The following NUBPL variants were observed in gnomAD, a reference collection of about 807,000 sequenced individuals.
NUBPL encodes NUBP iron-sulfur cluster assembly factor, mitochondrial.
NUBPL carries 31 observed loss-of-function variants against 45.7 expected under a neutral mutation model. The observed-to-expected ratio is 0.68, with a 90% CI of 0.51 to 0.92. The LOEUF (loss-of-function observed/expected upper bound fraction) is 0.92, where lower values mean the gene tolerates loss of function less well. Among genes scored for constraint, NUBPL ranks in the 40% least tolerant of loss-of-function variants. NUBPL has a pLI of 0.00. For missense variants in NUBPL, 401 were observed against 398.7 expected (o/e 1.01, Z -0.05); for synonymous variants, 144 against 140.9 (o/e 1.02, Z -0.15).
intron 6 of NUBPL, among the ~76,000 whole-genome samples, chr14:31,777,647 G>A (rs76501638): frequency 0.023 from 3,473 of 152,312 alleles, 61 homozygotes; most frequent in Non-Finnish European, 0.035. Context: ...AAAACGTCTG[G>A]ACATTGGAAA....
At chr14:31,739,478 A>G (rs912426613) in intron 6 of NUBPL, among the ~76,000 whole-genome samples, 9 of 152,000 alleles carry the variant, frequency 5.9e-5, no homozygotes, top group Admixed American at 3.3e-4. Context: ...GCATATAGAA[A>G]TACTTCTAAA....
At chr14:31,745,652 G>C (rs532706147) in intron 6 of NUBPL, among the ~76,000 whole-genome samples, 6 of 152,032 alleles carry the variant, frequency 3.9e-5, no homozygotes, top group African/African-American at 1.5e-4. Flanking sequence ...TTACTTTACT[G>C]AGTTTGTTTA....
At chr14:31,677,356 G>A (rs1028790013) in intron 6 of NUBPL, among the ~76,000 whole-genome samples, 1 of 151,692 alleles carries the variant, frequency 6.6e-6, no homozygotes, top group African/African-American at 2.4e-5. Context: ...CACATCCTCA[G>A]GTAACCATCT....
intron 3 of NUBPL, among the ~76,000 whole-genome samples, chr14:31,597,641 C>A (rs964660572): frequency 1.3e-5 from 2 of 152,058 alleles, no homozygotes; most frequent in African/African-American, 4.8e-5. Flanking sequence ...TAGGACCTAA[C>A]CCCCTTCATG....
intron 6 of NUBPL, among the ~76,000 whole-genome samples, chr14:31,699,353 A>G (rs778440892): frequency 3.3e-5 from 5 of 152,232 alleles, no homozygotes; most frequent in Admixed American, 6.5e-5. Flanking sequence ...ATATTTTACT[A>G]AAAGTAGCTA....
chr14:31,575,043 G>C (rs535923207), intron 3 of NUBPL, among the ~76,000 whole-genome samples: 3 of 152,112 alleles, frequency 2.0e-5, no homozygotes, highest in Admixed American at 2.0e-4. Context: ...TTTTATTGAT[G>C]TTTATCTCAA....
At chr14:31,573,149 G>A (rs926475622) in intron 3 of NUBPL, among the ~76,000 whole-genome samples, 2 of 152,146 alleles carry the variant, frequency 1.3e-5, no homozygotes, top group African/African-American at 4.8e-5. Context: ...TGAATCATGT[G>A]TTGTGCTGTG....
rs377062531 is a variant in NUBPL, at chr14:31,637,263, T to A, written c.383-36092T>A. ...TTCCCTCTACATACTGCTTTGAATG[T>A]GTCCCAGAGATTCTGGTATGTTGTG... On this transcript the variant is annotated intron_variant, in intron 4 of 10. Coordinates refer to ENST00000281081, the MANE Select transcript of NUBPL (RefSeq NM_025152.3). Among the ~76,000 whole-genome samples the A allele has an allele frequency of 3.9e-5, 6 of 152,366 alleles. No individual in the cohort carries two copies. In the South Asian group the frequency reaches 6.2e-4, roughly 16 times the overall value.
intron 6 of NUBPL, among the ~76,000 whole-genome samples, chr14:31,711,930 G>A (rs1177704631): frequency 1.3e-5 from 2 of 152,134 alleles, no homozygotes; most frequent in African/African-American, 4.8e-5. Context: ...GTGGGTTCGT[G>A]GTCTCGCTGG....
chr14:31,782,249 G>A (rs2039204294), intron 6 of NUBPL, among the ~76,000 whole-genome samples: 1 of 152,034 alleles, frequency 6.6e-6, no homozygotes, highest in African/African-American at 2.4e-5. Context: ...ACAAAAATTA[G>A]CTGGGCATGG....
chr14:31,746,412 T>C (rs114347110), intron 6 of NUBPL, among the ~76,000 whole-genome samples: 1 of 152,034 alleles, frequency 6.6e-6, no homozygotes, highest in Non-Finnish European at 1.5e-5. Flanking sequence ...CTGGCAAATT[T>C]TGTTAAATGC....
rs1381775417 is a variant in NUBPL, at chr14:31,619,481, TGGTG to T, written c.382+20103_382+20106del. ...AGAAGCTTTTGTAAGGCAGGCCTGG[TGGTG>T]ACAAAATTTCTCAATATTTGCCTAT... On this transcript the variant is annotated intron_variant, in intron 4 of 10. Coordinates refer to ENST00000281081, the MANE Select transcript of NUBPL (RefSeq NM_025152.3). Among the ~76,000 whole-genome samples the T allele has an allele frequency of 3.5e-4, 54 of 152,336 alleles. No individual in the cohort carries two copies. The South Asian group carries it at 0.011, about 30-fold the overall frequency.
intron 7 of NUBPL, among the ~76,000 whole-genome samples, chr14:31,799,721 A>G (rs755759671): frequency 4.6e-5 from 7 of 152,216 alleles, no homozygotes; most frequent in Non-Finnish European, 8.8e-5. Flanking sequence ...TTATCAGGTC[A>G]TGCTCTTTTT....
intron 7 of NUBPL, among the ~76,000 whole-genome samples, chr14:31,810,437 A>G (rs981832813): frequency 9.9e-5 from 15 of 152,176 alleles, no homozygotes; most frequent in African/African-American, 3.4e-4. Context: ...CTAGGATTGC[A>G]ACCCCTGTTG....
At position 31,562,089 on chromosome 14, in the gene NUBPL, AC is replaced by A; in HGVS notation, c.133del (p.Leu45Ter). ...GRQLSGAGSE[T>X]LKQRRTQIMS... ...AAAGTTGTCTGGCGCCGGGAGTGAG[AC>A]CCTAAAACAAAGAAGAACACAAATC... is the stretch of plus-strand genomic sequence containing the variant. On this transcript the variant is annotated frameshift_variant, in exon 2 of 11. Coordinates refer to ENST00000281081, the MANE Select transcript of NUBPL (RefSeq NM_025152.3). LOFTEE classifies it high-confidence loss of function. 6.2e-7 allele frequency: 1 copy of A among 1,607,034 alleles called. No homozygotes were observed. The highest frequency in any genetic ancestry group is 8.5e-7 in the Non-Finnish European group (1 of 1,176,074).
chr14:31,656,695 A>G (rs1249998091), intron 4 of NUBPL, among the ~76,000 whole-genome samples: 2 of 152,202 alleles, frequency 1.3e-5, no homozygotes, highest in African/African-American at 2.4e-5. Context: ...CCCCACAACA[A>G]TTACAGTAGT....
intron 4 of NUBPL, among the ~76,000 whole-genome samples, chr14:31,665,392 A>C (rs142254281): frequency 0.063 from 9,616 of 152,192 alleles, 408 homozygotes; most frequent in Non-Finnish European, 0.091. Flanking sequence ...ACACTGCTTT[A>C]GTTGTGTCCC....
chr14:31,651,766 G>A (rs1418483331), intron 4 of NUBPL, among the ~76,000 whole-genome samples: 1 of 151,966 alleles, frequency 6.6e-6, no homozygotes, highest in Non-Finnish European at 1.5e-5. Context: ...AGGTGTGGTG[G>A]TGGGTGCCTA....
At chr14:31,678,520 C>T (rs912800373) in intron 6 of NUBPL, among the ~76,000 whole-genome samples, 1 of 152,186 alleles carries the variant, frequency 6.6e-6, no homozygotes, top group African/African-American at 2.4e-5. Flanking sequence ...TTGGTCCTGC[C>T]ATGACTGGAT....
Sources: allele counts gnomAD v4.1 joint callset (sites outside exome capture counted in the v4.1 genomes callset), GRCh38; gene constraint gnomAD v4.1.1; transcripts MANE v1.5; gene names NCBI Gene and HGNC (gene_info 2026-07-23, HGNC 2026-07-21).